ADGRL2: variants seen among roughly 807,000 people sequenced by gnomAD.
The protein encoded by ADGRL2 is calcium-independent alpha-latrotoxin receptor 2.
A neutral mutation model predicts 157.4 loss-of-function variants in ADGRL2; 44 were observed. That is an observed-to-expected ratio of 0.28 (90% CI 0.22 to 0.36). The LOEUF (loss-of-function observed/expected upper bound fraction) is 0.36, where lower values mean the gene tolerates loss of function less well. Among genes scored for constraint, ADGRL2 ranks in the 10% least tolerant of loss-of-function variants. The pLI is 1.00. For missense variants in ADGRL2, 1,510 were observed against 1,768.9 expected (o/e 0.85, Z 2.63); for synonymous variants, 585 against 624.7 (o/e 0.94, Z 0.95).
At chr1:81,616,702 G>A (rs1477394938) in intron 3 of ADGRL2, among the ~76,000 whole-genome samples, 1 of 33,468 alleles carries the variant, frequency 3.0e-5, no homozygotes, top group African/African-American at 1.2e-4. Flanking sequence ...TTTGAGACAG[G>A]GTCTCGCTCT....
intron 1 of ADGRL2, among the ~76,000 whole-genome samples, chr1:81,742,805 CCA>C (rs1311858971): frequency 6.6e-6 from 1 of 151,946 alleles, no homozygotes; most frequent in South Asian, 2.1e-4. Flanking sequence ...TTAATATTTG[CCA>C]CAGAGTCAGT....
intron 19 of ADGRL2, among the ~76,000 whole-genome samples, chr1:81,983,998 A>G (rs1026050370): frequency 6.6e-6 from 1 of 152,064 alleles, no homozygotes; most frequent in Non-Finnish European, 1.5e-5. Flanking sequence ...CAGAAAATGA[A>G]GAAAACATTC....
chr1:81,816,622 G>A (rs2090431175), intron 1 of ADGRL2, among the ~76,000 whole-genome samples: 1 of 151,790 alleles, frequency 6.6e-6, no homozygotes, highest in Non-Finnish European at 1.5e-5. Flanking sequence ...TTATTATATG[G>A]TGATGTTCTT....
intron 1 of ADGRL2, among the ~76,000 whole-genome samples, chr1:81,321,280 A>G (rs1249489845): frequency 1.3e-5 from 2 of 152,228 alleles, no homozygotes; most frequent in African/African-American, 4.8e-5. Flanking sequence ...GACTAAAACT[A>G]TATCAGCAAT....
chr1:81,510,316 C>T (rs888789405), intron 2 of ADGRL2, among the ~76,000 whole-genome samples: 7 of 152,054 alleles, frequency 4.6e-5, no homozygotes, highest in African/African-American at 1.7e-4. Context: ...ATGCAGGTAC[C>T]TCAGTGGCCC....
intron 2 of ADGRL2, among the ~76,000 whole-genome samples, chr1:81,475,561 G>A (rs755581696): frequency 3.9e-5 from 6 of 152,090 alleles, no homozygotes; most frequent in African/African-American, 1.2e-4. Flanking sequence ...AAGATGTGCC[G>A]TCATTTGATG....
chr1:81,816,978 G>T (rs1288744586), intron 1 of ADGRL2, among the ~76,000 whole-genome samples: 4 of 147,756 alleles, frequency 2.7e-5, no homozygotes, highest in Non-Finnish European at 3.0e-5. Context: ...TTTTTTTCAA[G>T]TATATTTAGG....
intron 1 of ADGRL2, among the ~76,000 whole-genome samples, chr1:81,322,413 A>C (rs988624732): frequency 6.6e-6 from 1 of 152,052 alleles, no homozygotes; most frequent in African/African-American, 2.4e-5. Context: ...GTGCGTAATG[A>C]TGTATATCAG....
At chr1:81,985,764 G>C (rs1337920856) in intron 21 of ADGRL2, among the ~76,000 whole-genome samples, 2 of 151,918 alleles carry the variant, frequency 1.3e-5, no homozygotes, top group Non-Finnish European at 2.9e-5. Context: ...TGTGTCTACA[G>C]TGGCATCTTT....
At chr1:81,347,636 T>A (rs1662576495) in intron 1 of ADGRL2, among the ~76,000 whole-genome samples, 1 of 152,120 alleles carries the variant, frequency 6.6e-6, no homozygotes, top group Non-Finnish European at 1.5e-5. Context: ...AAGAAGGAAT[T>A]GTTAATCAAA....
At chr1:81,721,752 G>T in intron 1 of ADGRL2, 1 of 1,421,592 alleles carries the variant, frequency 7.0e-7, no homozygotes, top group Non-Finnish European at 9.8e-7. Flanking sequence ...CAGGATCCGA[G>T]CATTCTGCAC....
In ADGRL2 at chr1:81,933,976, A is replaced by C. The variant is rs547092842; in HGVS notation, c.288-2752A>C. Among the ~76,000 whole-genome samples the C allele has an allele frequency of 2.9e-3, 443 of 152,142 alleles. 2 individuals carry two copies. The highest frequency in any genetic ancestry group is 9.8e-3 in the African/African-American group (406 of 41,536). On this transcript the variant is annotated intron_variant, in intron 3 of 23. Coordinates refer to ENST00000686636, the MANE Select transcript of ADGRL2 (RefSeq NM_001366006.2). ...TCTTGCACTTCTGATATCTCTGTGT[A>C]TATAAACATATGAAATTTTCAAATT... is the stretch of plus-strand genomic sequence containing the variant.
At chr1:81,344,843 T>C (rs1193551219) in intron 1 of ADGRL2, among the ~76,000 whole-genome samples, 6 of 152,130 alleles carry the variant, frequency 3.9e-5, no homozygotes, top group Non-Finnish European at 8.8e-5. Context: ...TTCCAGCATA[T>C]GTCTTTGTTT....
intron 2 of ADGRL2, among the ~76,000 whole-genome samples, chr1:81,859,309 T>C (rs1474756902): frequency 6.6e-6 from 1 of 152,168 alleles, no homozygotes; most frequent in African/African-American, 2.4e-5. Flanking sequence ...TCTTATTGTG[T>C]AGTATTCTTT....
intron 2 of ADGRL2, among the ~76,000 whole-genome samples, chr1:81,779,309 G>C (rs1190321034): frequency 6.6e-6 from 1 of 152,078 alleles, no homozygotes; most frequent in African/African-American, 2.4e-5. Context: ...GGGTGGTCAG[G>C]GTCCTCTCTG....
chr1:81,343,160 T>C (rs1662212211), intron 1 of ADGRL2, among the ~76,000 whole-genome samples: 1 of 146,090 alleles, frequency 6.8e-6, no homozygotes, highest in South Asian at 2.1e-4. Flanking sequence ...CCAGTCTCGG[T>C]TCACTGCAAC....
chr1:81,340,218 G>T (rs974123430), intron 1 of ADGRL2, among the ~76,000 whole-genome samples: 1 of 152,200 alleles, frequency 6.6e-6, no homozygotes, highest in Admixed American at 6.5e-5. Context: ...TAAACAAACA[G>T]TATGTTATCT....
intron 17 of ADGRL2, among the ~76,000 whole-genome samples, chr1:81,975,890 A>AT (rs769212178): frequency 2.0e-5 from 3 of 152,030 alleles, no homozygotes; most frequent in Non-Finnish European, 4.4e-5. Flanking sequence ...AGGGGAAAAA[A>AT]TTTTTGGAAT....
chr1:81,953,200 A>G (rs1652398659), intron 10 of ADGRL2, among the ~76,000 whole-genome samples, 175 bp downstream of exon 10: 1 of 152,176 alleles, frequency 6.6e-6, no homozygotes, highest in Non-Finnish European at 1.5e-5. Context: ...ATAAGCAAAT[A>G]ATTTACTTTT....
Sources: allele counts gnomAD v4.1 joint callset (sites outside exome capture counted in the v4.1 genomes callset), GRCh38; gene constraint gnomAD v4.1.1; transcripts MANE v1.5; gene names NCBI Gene and HGNC (gene_info 2026-07-23, HGNC 2026-07-21).